The following AGBL4 variants were observed in gnomAD, a reference collection of about 807,000 sequenced individuals.
The protein encoded by AGBL4 is AGBL carboxypeptidase 4, also known as cytosolic carboxypeptidase 6.
A neutral mutation model predicts 66.4 loss-of-function variants in AGBL4; 58 were observed. The ratio of observed to expected loss-of-function variants is 0.87; its 90% CI spans 0.71 to 1.09. The LOEUF (loss-of-function observed/expected upper bound fraction) is 1.09, where lower values mean the gene tolerates loss of function less well. Ranked by LOEUF, AGBL4 falls within the 50% of genes least tolerant of loss-of-function variation. The pLI is 0.00. For synonymous variants in AGBL4, 234 were observed against 222.9 expected (o/e 1.05, Z -0.44); for missense variants, 579 against 631.0 (o/e 0.92, Z 0.88).
intron 4 of AGBL4, among the ~76,000 whole-genome samples, chr1:49,059,590 A>G (rs1644366614): frequency 6.6e-6 from 1 of 152,190 alleles, no homozygotes. Flanking sequence ...CAGACTCCAG[A>G]ATGGTACATC....
intron 3 of AGBL4, among the ~76,000 whole-genome samples, chr1:49,534,666 C>T (rs1208020600): frequency 6.6e-6 from 1 of 152,156 alleles, no homozygotes; most frequent in Non-Finnish European, 1.5e-5. Context: ...GGTATGAGAG[C>T]CCTGGGTTTG....
intron 6 of AGBL4, among the ~76,000 whole-genome samples, chr1:48,839,786 G>C (rs369836312): frequency 6.6e-6 from 1 of 152,092 alleles, no homozygotes; most frequent in Non-Finnish European, 1.5e-5. Context: ...TACAGTGCTC[G>C]TCCTGGTTCA....
intron 3 of AGBL4, among the ~76,000 whole-genome samples, chr1:49,615,113 C>T (rs1645226477): frequency 6.6e-6 from 1 of 152,064 alleles, no homozygotes. Context: ...CTTATACATC[C>T]TAATCTATAG....
intron 3 of AGBL4, among the ~76,000 whole-genome samples, chr1:49,434,178 G>A (rs925021497): frequency 1.3e-5 from 2 of 152,036 alleles, no homozygotes; most frequent in African/African-American, 4.8e-5. Context: ...GGTCTTTGAA[G>A]CCTTAATGGG....
intron 3 of AGBL4, among the ~76,000 whole-genome samples, chr1:49,609,632 A>G (rs1571165804): frequency 6.6e-6 from 1 of 152,108 alleles, no homozygotes; most frequent in South Asian, 2.1e-4. Flanking sequence ...TCAGGGGTAC[A>G]TGTACAGGTT....
chr1:49,051,973 C>G (rs1644224360), intron 4 of AGBL4, among the ~76,000 whole-genome samples: 1 of 152,032 alleles, frequency 6.6e-6, no homozygotes, highest in Non-Finnish European at 1.5e-5. Context: ...CTACATATTG[C>G]CAGCTGAATT....
chr1:48,553,732 ATC>A (rs1644282273), intron 11 of AGBL4, among the ~76,000 whole-genome samples: 1 of 152,142 alleles, frequency 6.6e-6, no homozygotes, highest in Non-Finnish European at 1.5e-5. Context: ...AATGTTAAGA[ATC>A]TCTGCTCTAG....
intron 3 of AGBL4, among the ~76,000 whole-genome samples, chr1:49,664,359 G>A (rs951457668): frequency 3.7e-4 from 56 of 151,990 alleles, no homozygotes; most frequent in African/African-American, 1.3e-3. Context: ...TTAAAATATA[G>A]CAATTACAGC....
intron 1 of AGBL4, among the ~76,000 whole-genome samples, chr1:49,911,453 A>C (rs1650821977): frequency 6.6e-6 from 1 of 152,162 alleles, no homozygotes; most frequent in African/African-American, 2.4e-5. Flanking sequence ...TACTACATAC[A>C]ATATAAATCA....
intron 3 of AGBL4, among the ~76,000 whole-genome samples, chr1:49,343,330 C>G (rs1645577517): frequency 6.6e-6 from 1 of 152,146 alleles, no homozygotes. Flanking sequence ...AGGCTCTGTT[C>G]TGTTTTGCAT....
chr1:48,803,146 G>A (rs998125471), intron 6 of AGBL4, among the ~76,000 whole-genome samples: 1 of 152,210 alleles, frequency 6.6e-6, no homozygotes, highest in African/African-American at 2.4e-5. Flanking sequence ...CCAAGACCCA[G>A]ACATAGCATC....
chr1:49,429,518 A>C (rs1645737003), intron 3 of AGBL4, among the ~76,000 whole-genome samples: 1 of 152,210 alleles, frequency 6.6e-6, no homozygotes, highest in Non-Finnish European at 1.5e-5. Context: ...TGCATATTCA[A>C]ATGTCTGTGT....
In AGBL4 at chr1:49,733,025, G is replaced by GA. The variant is rs1164368309; in HGVS notation, c.158-35589dup. Among the ~76,000 whole-genome samples, 2 of 151,950 alleles carry GA rather than the reference G, an allele frequency of 1.3e-5. 1 individual carries two copies. The highest frequency in any genetic ancestry group is 4.2e-4 in the South Asian group (2 of 4,812). ...TTAAAAACAGGGAAATATTAAAAAG[G>GA]AAAAAAATTAAAAAGGGGAAATAAC... On this transcript the variant is annotated intron_variant, in intron 2 of 13. Coordinates refer to ENST00000371839, the MANE Select transcript of AGBL4 (RefSeq NM_032785.4).
At chr1:48,819,894 G>C (rs1258825198) in intron 6 of AGBL4, among the ~76,000 whole-genome samples, 1 of 152,160 alleles carries the variant, frequency 6.6e-6, no homozygotes, top group Non-Finnish European at 1.5e-5. Flanking sequence ...CCCCACTCTT[G>C]ATTCAAATGG....
At chr1:48,594,374 T>C (rs530721793) in intron 9 of AGBL4, among the ~76,000 whole-genome samples, 26 of 152,282 alleles carry the variant, frequency 1.7e-4, no homozygotes, top group African/African-American at 5.5e-4. Flanking sequence ...GTAATTTGCA[T>C]TCTCTTTTCT....
At chr1:49,353,856 C>G (rs1177437226) in intron 3 of AGBL4, among the ~76,000 whole-genome samples, 1 of 152,070 alleles carries the variant, frequency 6.6e-6, no homozygotes, top group African/African-American at 2.4e-5. Context: ...GACAGCTGAA[C>G]TCCAGGGAAA....
chr1:49,200,943 T>C (rs1422621941), intron 4 of AGBL4, among the ~76,000 whole-genome samples: 1 of 152,170 alleles, frequency 6.6e-6, no homozygotes, highest in Non-Finnish European at 1.5e-5. Flanking sequence ...ATCTTTCCTG[T>C]GAACATCCCC....
chr1:48,567,035 C>T (rs1310232096), intron 11 of AGBL4, among the ~76,000 whole-genome samples: 1 of 152,154 alleles, frequency 6.6e-6, no homozygotes, highest in African/African-American at 2.4e-5. Context: ...CACACACACC[C>T]TATTTGTCCT....
intron 1 of AGBL4, among the ~76,000 whole-genome samples, chr1:49,894,824 T>A (rs1042797746): frequency 6.6e-6 from 1 of 151,788 alleles, no homozygotes; most frequent in African/African-American, 2.4e-5. Flanking sequence ...AAAGGGGAGA[T>A]GAAAAGAGAG....
Sources: gnomAD v4.1 joint callset for allele counts (sites outside exome capture counted in the v4.1 genomes callset) on GRCh38, gnomAD v4.1.1 for gene constraint, MANE v1.5 for transcripts, NCBI Gene and HGNC (gene_info 2026-07-23, HGNC 2026-07-21) for gene names.